The following PCDHA3 variants were observed in gnomAD, a reference collection of about 807,000 sequenced individuals.
PCDHA3 encodes the protein protocadherin alpha 3.
In PCDHA3, 41 loss-of-function variants were observed where a neutral mutation model predicts 62.2. That is an observed-to-expected ratio of 0.66 (90% CI 0.51 to 0.86). The LOEUF is 0.86. Ranked by LOEUF, PCDHA3 falls within the 40% of genes least tolerant of loss-of-function variation. PCDHA3 has a pLI of 0.00. For synonymous variants in PCDHA3, 640 were observed against 555.4 expected (o/e 1.15, Z -2.14); for missense variants, 1,304 against 1,241.2 (o/e 1.05, Z -0.76).
Position 140,828,872 on chromosome 5 carries a change from G to A in PCDHA3, c.2394+25281G>A, listed in dbSNP as rs1769998311. 15 of 1,614,106 alleles carry A rather than the reference G, an allele frequency of 9.3e-6. No individual in the cohort carries two copies. The highest frequency in any genetic ancestry group is 1.2e-5 in the Non-Finnish European group (14 of 1,180,040). On this transcript the variant is annotated intron_variant, in intron 1 of 3. Coordinates refer to ENST00000522353, the MANE Select transcript of PCDHA3 (RefSeq NM_018906.3). ...CGAAAATGCAGACAACGGAACAACA[G>A]TTATCAGACTGAATGCTTCTGATCG...
rs2098416892 is a variant in PCDHA3, at chr5:141,010,305, G to A, written c.*368G>A. ...TGACACTTGCAGGGCAGGCTGAAAA[G>A]TTTTGAGATTGAGCAGCTTGGGAGT... is the stretch of plus-strand genomic sequence containing the variant. On this transcript the variant is annotated 3_prime_UTR_variant, in exon 4 of 4. Coordinates refer to ENST00000522353, the MANE Select transcript of PCDHA3 (RefSeq NM_018906.3). 1 of 1,548,478 alleles carries A rather than the reference G, an allele frequency of 6.5e-7. No individual in the cohort carries two copies. The highest frequency in any genetic ancestry group is 2.4e-5 in the East Asian group (1 of 40,890).
chr5:140,829,625 G>C (rs138462086), intron 1 of PCDHA3: 8 of 1,612,066 alleles, frequency 5.0e-6, no homozygotes, highest in South Asian at 3.3e-5. Flanking sequence ...TTCGGTGCAC[G>C]CGGAGAGCGG....
chr5:140,823,667 G>A (rs1767828403), intron 1 of PCDHA3: 1 of 1,614,024 alleles, frequency 6.2e-7, no homozygotes. Context: ...GGCGAGATCA[G>A]CACAACACGC....
chr5:140,904,082 C>T (rs1189911248), intron 1 of PCDHA3, among the ~76,000 whole-genome samples: 3 of 152,108 alleles, frequency 2.0e-5, no homozygotes, highest in African/African-American at 7.2e-5. Context: ...TATTTGGTTA[C>T]ATGAATAACT....
At chr5:140,867,702 A>G (rs560641093) in intron 1 of PCDHA3, 1 of 152,136 alleles carries the variant, frequency 6.6e-6, no homozygotes, top group Admixed American at 6.5e-5. Flanking sequence ...TTCCTCCTAA[A>G]TCCTAAGGGT....
intron 3 of PCDHA3, among the ~76,000 whole-genome samples, chr5:140,998,792 G>A (rs747824792): frequency 6.6e-6 from 1 of 152,156 alleles, no homozygotes; most frequent in Non-Finnish European, 1.5e-5. Flanking sequence ...TGGAACCCCT[G>A]ACCTCAGGTG....
chr5:140,892,498 T>G (rs937078713), intron 1 of PCDHA3, among the ~76,000 whole-genome samples: 3 of 152,232 alleles, frequency 2.0e-5, no homozygotes, highest in Non-Finnish European at 4.4e-5. Flanking sequence ...AGAGATTGTT[T>G]AAGAAGTTCC....
rs782362205 is a variant in PCDHA3 at position 141,009,960 on chromosome 5, A to G, written c.*23A>G. The G allele has an allele frequency of 6.3e-7, 1 of 1,589,232 alleles. No homozygotes were observed. The highest frequency in any genetic ancestry group is 2.2e-5 in the East Asian group (1 of 44,694). On this transcript the variant is annotated 3_prime_UTR_variant, in exon 4 of 4. Transcript: ENST00000522353. The stretch of plus-strand genomic sequence containing the variant: ...TGAGGTCCTCAAATGGAAACAAGCC[A>G]CTTAGCCAGTTTTTGTAATAATGGC...
chr5:140,971,165 G>A (rs1390176241), intron 1 of PCDHA3, among the ~76,000 whole-genome samples: 1 of 152,136 alleles, frequency 6.6e-6, no homozygotes, highest in Non-Finnish European at 1.5e-5. Context: ...GCTCAGCTTT[G>A]CCACCAGCTG....
At chr5:140,881,075 G>A (rs2058577107) in intron 1 of PCDHA3, among the ~76,000 whole-genome samples, 1 of 152,202 alleles carries the variant, frequency 6.6e-6, no homozygotes, top group African/African-American at 2.4e-5. Context: ...AATTATTGGA[G>A]CTATGATATA....
At position 140,802,674 on chromosome 5, in the gene PCDHA3, T is replaced by C; in HGVS notation, c.1477T>C (p.Ser493Pro). 6.2e-7 allele frequency: 1 copy of C among 1,613,392 alleles called. No individual in the cohort carries two copies. The highest frequency in any genetic ancestry group is 8.5e-7 in the Non-Finnish European group (1 of 1,179,844). ...GCAGGAGAACGCCCTGGTGTCCTAC[T>C]CGCTGGTGGAACGGCGGGTGGGGGA... ...DAQENALVSY[S>P]LVERRVGERA... Residue 493 changes from serine to proline, a missense_variant, in exon 1 of 4, where the codon TCG (serine) becomes CCG (proline). Transcript: ENST00000522353.
rs782444703 is a variant in PCDHA3 at position 140,856,052 on chromosome 5, G to T, written c.2394+52461G>T. 12 of 1,585,178 alleles carry T rather than the reference G, an allele frequency of 7.6e-6. No individual in the cohort carries two copies. In the East Asian group the frequency reaches 2.5e-4, roughly 32 times the overall value. On this transcript the variant is annotated intron_variant, in intron 1 of 3. Transcript: ENST00000522353. The stretch of plus-strand genomic sequence containing the variant: ...TGTAAAACAAGAGAAGGATAAGATG[G>T]TTTCCAGATGTAGCTGCCTGGGGGT...
At position 140,829,905 on chromosome 5, in the gene PCDHA3, C is replaced by T; in HGVS notation, c.2394+26314C>T. ...GTTGACGCCGACTCAGGCTACAACG[C>T]GTGGCTTTCGTATGAGCTGCAGCCC... On this transcript the variant is annotated intron_variant, in intron 1 of 3. Transcript: ENST00000522353. The T allele has an allele frequency of 6.2e-7, 1 of 1,613,982 alleles. No individual in the cohort carries two copies. Among genetic ancestry groups the T allele is most frequent in the East Asian group, 2.2e-5 (1 of 44,882 alleles).
chr5:140,918,311 G>A (rs1286596595), intron 1 of PCDHA3, among the ~76,000 whole-genome samples: 2 of 152,070 alleles, frequency 1.3e-5, no homozygotes, highest in African/African-American at 4.8e-5. Context: ...GGGTTTTCTA[G>A]GTATAAAATT....
intron 1 of PCDHA3, chr5:140,823,703 G>A: frequency 1.2e-6 from 2 of 1,613,934 alleles, no homozygotes; most frequent in South Asian, 2.2e-5. Flanking sequence ...GAAGCACCGC[G>A]CCACCGCCTT....
At position 140,802,379 on chromosome 5, in the gene PCDHA3, C is replaced by T. The variant is rs781889429; in HGVS notation, c.1182C>T (p.Pro394=). The change falls in exon 1 of 4, where the codon CCC becomes CCT. Residue 394 remains proline, a synonymous_variant. Coordinates refer to ENST00000522353, the MANE Select transcript of PCDHA3 (RefSeq NM_018906.3). ...QVTCSLTPHV[P]FKLVSTFKNY... is the part of the protein sequence containing the mutation. ...CCTGCTCGCTGACGCCCCACGTCCC[C>T]TTCAAGCTGGTGTCCACCTTCAAGA... The T allele has an allele frequency of 2.5e-6, 4 of 1,614,152 alleles. No homozygotes were observed. Among genetic ancestry groups the T allele is most frequent in the East Asian group, 4.5e-5 (2 of 44,900 alleles).
At chr5:140,945,366 T>A (rs1367581632) in intron 1 of PCDHA3, among the ~76,000 whole-genome samples, 6 of 152,036 alleles carry the variant, frequency 3.9e-5, no homozygotes, top group Non-Finnish European at 8.8e-5. Context: ...GTTTAAAATG[T>A]CCATATTACC....
rs1554158025 is a variant in PCDHA3, at chr5:140,863,249, T to G, written c.2394+59658T>G. On this transcript the variant is annotated intron_variant, in intron 1 of 3. Transcript: ENST00000522353. ...GTCCCATCGCGGGCTTTGGCGGGCGTCGAGGTCCGGGAGGCAGCGCTGGTG... is the reference window on the plus strand; with the variant it reads ...GTCCCATCGCGGGCTTTGGCGGGCGGCGAGGTCCGGGAGGCAGCGCTGGTG... The G allele has an allele frequency of 2.8e-6, 4 of 1,406,824 alleles. No homozygotes were observed. In the Admixed American group the frequency reaches 7.2e-5, roughly 25 times the overall value. The allele number at this position is 1,406,824 out of a possible 1,614,324, so 87.1% of individuals were successfully genotyped here.
intron 1 of PCDHA3, chr5:140,926,624 G>A (rs2083414676): frequency 5.0e-6 from 2 of 400,148 alleles, no homozygotes; most frequent in Admixed American, 8.6e-5. Context: ...CCTAGGCGGC[G>A]CTGCGCTCCT....
Sources: allele counts gnomAD v4.1 joint callset (sites outside exome capture counted in the v4.1 genomes callset), GRCh38; gene constraint gnomAD v4.1.1; transcripts MANE v1.5; gene names NCBI Gene and HGNC (gene_info 2026-07-23, HGNC 2026-07-21).